CDC16: variants seen among roughly 807,000 people sequenced by gnomAD.
CDC16 encodes cell division cycle protein 16 homolog.
A neutral mutation model predicts 87.0 loss-of-function variants in CDC16; 34 were observed. The ratio of observed to expected loss-of-function variants is 0.39; its 90% CI spans 0.30 to 0.52. CDC16 has a LOEUF of 0.52. CDC16 is among the 20% of genes least tolerant of loss of function. The pLI is 0.74. For synonymous variants in CDC16, 263 were observed against 260.6 expected, an observed-to-expected ratio of 1.01 and a Z score of -0.09; for missense variants, 653 against 751.9, an observed-to-expected ratio of 0.87 and a Z score of 1.54.
At chr13:114,268,837 A>C (rs1594698072) in intron 17 of CDC16, among the ~76,000 whole-genome samples, 1 of 152,210 alleles carries the variant, frequency 6.6e-6, no homozygotes, top group Non-Finnish European at 1.5e-5. Flanking sequence ...TAATAAATAA[A>C]ACCTTAGTGA....
intron 12 of CDC16, among the ~76,000 whole-genome samples, chr13:114,253,590 T>C (rs2082320949): frequency 6.6e-6 from 1 of 151,228 alleles, no homozygotes; most frequent in African/African-American, 2.4e-5. Flanking sequence ...CTCGGGAGGC[T>C]GAGGCAGGAG....
In CDC16 at chr13:114,243,344, A is replaced by G. The variant is rs1473168658; in HGVS notation, c.629A>G (p.Lys210Arg). 4 of 1,508,490 alleles carry G rather than the reference A, an allele frequency of 2.7e-6. No homozygotes were observed. The highest frequency in any genetic ancestry group is 3.7e-6 in the Non-Finnish European group (4 of 1,084,296). The allele number at this position is 1,508,490 out of a possible 1,614,324, so 93.4% of individuals were successfully genotyped here. A position where few individuals can be genotyped will look rare whatever the true frequency, so the allele number is the denominator to read the frequency against. The stretch of plus-strand genomic sequence containing the variant: ...CGTTTTCTATTTGAGAACAAATTGA[A>G]AAAAGTAAGTAAAACCAAAGAGTTA... Reference protein sequence around the residue: ...LLRFLFENKLKKYNKPSETVI... With the variant: ...LLRFLFENKLRKYNKPSETVI... The change falls in exon 7 of 18, where the codon AAA (lysine) becomes AGA (arginine). Residue 210 changes from lysine (K) to arginine (R), a missense_variant. Lys to Arg is a conservative substitution (Grantham distance 26, BLOSUM62 2). Transcript: ENST00000356221.
At chr13:114,253,648 C>T (rs905616388) in intron 12 of CDC16, among the ~76,000 whole-genome samples, 1 of 148,932 alleles carries the variant, frequency 6.7e-6, no homozygotes, top group African/African-American at 2.5e-5. Context: ...GAGATCGCAC[C>T]ACTGCACTCC....
chr13:114,267,335 A>C (rs561945645), intron 17 of CDC16, among the ~76,000 whole-genome samples: 2 of 136,352 alleles, frequency 1.5e-5, no homozygotes, highest in South Asian at 4.7e-4. Flanking sequence ...TAAAAAACAA[A>C]ACAATACAAA....
Position 114,272,165 on chromosome 13 carries a change from T to G in CDC16, c.1604-19T>G. The G allele has an allele frequency of 7.5e-7, 1 of 1,326,912 alleles. No homozygotes were observed. Among genetic ancestry groups the G allele is most frequent in the Non-Finnish European group, 1.0e-6 (1 of 954,128 alleles). 82.2% of individuals were successfully genotyped at this position (1,326,912 alleles called of 1,614,324 possible). ...GATGGAATTTCTTATTTTATTCTAA[T>G]TATAGTATTTCTTTTTAGGAGCAGA... On this transcript the variant is annotated intron_variant, in intron 17 of 17. Coordinates refer to ENST00000356221, the MANE Select transcript of CDC16 (RefSeq NM_001078645.3).
intron 9 of CDC16, among the ~76,000 whole-genome samples, chr13:114,245,276 T>C (rs988115406): frequency 4.0e-5 from 6 of 149,938 alleles, no homozygotes; most frequent in African/African-American, 1.2e-4. Context: ...CCCCCCTTTT[T>C]TTTTTTTGTA....
rs1369918669 is a variant in CDC16 at position 114,235,113 on chromosome 13, T to C, written c.29T>C (p.Val10Ala). 2.4e-6 allele frequency: 3 copies of C among 1,245,324 alleles called. No individual in the cohort carries two copies. Among genetic ancestry groups the C allele is most frequent in the African/African-American group, 1.6e-5 (1 of 64,438 alleles). 77.1% of individuals were successfully genotyped at this position (1,245,324 alleles called of 1,614,324 possible). ...AACCTAGAGCGGCTGCGGAAGCGCGTCCGGCAGTACCTCGACCAGGTGGGC... is the reference window on the plus strand; with the variant it reads ...AACCTAGAGCGGCTGCGGAAGCGCGCCCGGCAGTACCTCGACCAGGTGGGC... Reference protein sequence around the residue: MNLERLRKRVRQYLDQQQYQ... With the variant: MNLERLRKRARQYLDQQQYQ... Residue 10 changes from valine to alanine, a missense_variant, in exon 1 of 18, where the codon GTC becomes GCC. By Grantham distance (64) the Val-to-Ala change is moderately conservative (BLOSUM62 0). Coordinates refer to ENST00000356221, the MANE Select transcript of CDC16 (RefSeq NM_001078645.3).
intron 9 of CDC16, 32 bp from the exon 10 acceptor site, chr13:114,245,968 C>T: frequency 1.6e-6 from 2 of 1,280,980 alleles, no homozygotes; most frequent in Non-Finnish European, 2.2e-6. Context: ...GTGATACGAA[C>T]AATTGTTCTT....
In CDC16 at chr13:114,272,287, A is replaced by C. The variant is rs761640261; in HGVS notation, c.1707A>C (p.Glu569Asp). 2 of 1,614,236 alleles carry C rather than the reference A, an allele frequency of 1.2e-6. No homozygotes were observed. The highest frequency in any genetic ancestry group is 3.3e-5 in the Admixed American group (2 of 60,028). Reference protein sequence around the residue: ...ISPPWDFREFEVEKQTAEETG... With the variant: ...ISPPWDFREFDVEKQTAEETG... ...CTCCGTGGGATTTCAGGGAATTTGA[A>C]GTAGAAAAACAGACTGCAGAAGAAA... The change falls in exon 18 of 18, where the codon GAA becomes GAC. Residue 569 changes from glutamate (E) to aspartate (D), a missense_variant. Glu to Asp is a conservative substitution (Grantham distance 45). Coordinates refer to ENST00000356221, the MANE Select transcript of CDC16 (RefSeq NM_001078645.3).
rs1025027719 is a variant in CDC16, at chr13:114,261,798, G to A, written c.1315-89G>A. 4.6e-6 allele frequency: 4 copies of A among 868,212 alleles called. No homozygotes were observed. The African/African-American group carries it at 6.9e-5, about 15-fold the overall frequency. 53.8% of individuals were successfully genotyped at this position (868,212 alleles called of 1,614,324 possible). ...GCGGCACACACTGGGAGAGAGCCCAGCTTGCAAGGCGTGAAATAATTCAGT... is the reference window on the plus strand; with the variant it reads ...GCGGCACACACTGGGAGAGAGCCCAACTTGCAAGGCGTGAAATAATTCAGT... On this transcript the variant is annotated intron_variant, in intron 14 of 17. Coordinates refer to ENST00000356221, the MANE Select transcript of CDC16 (RefSeq NM_001078645.3).
At position 114,272,451 on chromosome 13, in the gene CDC16, C is replaced by A; in HGVS notation, c.*8C>A. On this transcript the variant is annotated 3_prime_UTR_variant, in exon 18 of 18. Transcript: ENST00000356221. ...TCAGACCACAGCACGTGACTCCAGT[C>A]AGTGGTCCTGGTCCCACTGTCCCAG... 6.2e-7 allele frequency: 1 copy of A among 1,612,328 alleles called. No individual in the cohort carries two copies. Among genetic ancestry groups the A allele is most frequent in the South Asian group, 1.1e-5 (1 of 90,838 alleles).
At position 114,272,539 on chromosome 13, in the gene CDC16, C is replaced by A; in HGVS notation, c.*96C>A. On this transcript the variant is annotated 3_prime_UTR_variant, in exon 18 of 18. Transcript: ENST00000356221. ...AAGAATGTCCCACTTCCTAACGTGA[C>A]TCCAAACTGCATCTCTACATTTAGG... 3 of 1,045,982 alleles carry A rather than the reference C, an allele frequency of 2.9e-6. No homozygotes were observed. Among genetic ancestry groups the A allele is most frequent in the Non-Finnish European group, 4.2e-6 (3 of 720,020 alleles). The allele number at this position is 1,045,982 out of a possible 1,614,324, so 64.8% of individuals were successfully genotyped here.
At chr13:114,237,886 A>C (rs1201021599) in intron 3 of CDC16, among the ~76,000 whole-genome samples, 4 of 152,214 alleles carry the variant, frequency 2.6e-5, no homozygotes, top group Admixed American at 6.5e-5. Context: ...TCTTTAAAAC[A>C]CGGATGTGGT....
chr13:114,257,701 T>C (rs980954193), intron 13 of CDC16, among the ~76,000 whole-genome samples: 2 of 152,364 alleles, frequency 1.3e-5, no homozygotes, highest in East Asian at 3.9e-4. Context: ...TTTGGTGTTA[T>C]ACTCAAAGAG....
intron 17 of CDC16, among the ~76,000 whole-genome samples, chr13:114,266,883 T>A (rs1293442810): frequency 1.3e-5 from 2 of 151,766 alleles, no homozygotes; most frequent in Non-Finnish European, 2.9e-5. Flanking sequence ...TTTTTAGTAG[T>A]GATGGGGTTT....
chr13:114,251,240 G>A (rs1409710550), intron 12 of CDC16, among the ~76,000 whole-genome samples: 1 of 152,134 alleles, frequency 6.6e-6, no homozygotes, highest in African/African-American at 2.4e-5. Flanking sequence ...TAGTGGGAGT[G>A]CAGTGGTCCA....
At chr13:114,248,942 A>G (rs1285927500) in intron 11 of CDC16, among the ~76,000 whole-genome samples, 4 of 152,026 alleles carry the variant, frequency 2.6e-5, no homozygotes, top group Non-Finnish European at 4.4e-5. Context: ...TTTTGGCACC[A>G]GGGACCATTT....
intron 11 of CDC16, 113 bp downstream of exon 11, chr13:114,247,117 T>G: frequency 7.9e-6 from 5 of 636,454 alleles, no homozygotes; most frequent in South Asian, 5.6e-5. Context: ...GAATAAATGT[T>G]TTTTTTTTTC....
chr13:114,243,885 T>A lies in CDC16; in HGVS notation c.663T>A (p.Pro221=). 1 of 1,609,880 alleles carries A rather than the reference T, an allele frequency of 6.2e-7. No homozygotes were observed. The highest frequency in any genetic ancestry group is 8.5e-7 in the Non-Finnish European group (1 of 1,176,446). The stretch of plus-strand genomic sequence containing the variant: ...ATAAGCCTAGTGAAACGGTCATCCC[T>A]GAATCTGTAGATGGCTTGCAAGAGA... ...KYNKPSETVI[P]ESVDGLQENL... is the part of the protein sequence containing the mutation. The change falls in exon 8 of 18, where the codon CCT becomes CCA. Residue 221 remains proline, a synonymous_variant. Coordinates refer to ENST00000356221, the MANE Select transcript of CDC16 (RefSeq NM_001078645.3).
Sources: gnomAD v4.1 joint callset for allele counts (sites outside exome capture counted in the v4.1 genomes callset) on GRCh38, gnomAD v4.1.1 for gene constraint, MANE v1.5 for transcripts, NCBI Gene and HGNC (gene_info 2026-07-23, HGNC 2026-07-21) for gene names.